Variants in MAGI2 observed in about 807,000 individuals in gnomAD.
MAGI2 encodes the protein membrane associated guanylate kinase, WW and PDZ domain containing 2, also known as membrane-associated guanylate kinase, WW and PDZ domain-containing protein 2.
A neutral mutation model predicts 133.3 loss-of-function variants in MAGI2; 35 were observed. The observed-to-expected ratio is 0.26, with a 90% CI of 0.20 to 0.35. MAGI2 has a LOEUF of 0.35. MAGI2 is among the 10% of genes least tolerant of loss of function. The pLI, the probability that MAGI2 is intolerant of heterozygous loss-of-function variation, is 1.00. For synonymous variants in MAGI2, 729 were observed against 710.6 expected, an observed-to-expected ratio of 1.03 and a Z score of -0.41; for missense variants, 1,636 against 1,863.4, an observed-to-expected ratio of 0.88 and a Z score of 2.25.
At chr7:78,386,524 A>G (rs1795402330) in intron 6 of MAGI2, among the ~76,000 whole-genome samples, 1 of 152,170 alleles carries the variant, frequency 6.6e-6, no homozygotes. Context: ...TACCCTTATA[A>G]AGCTGTCAGA....
At chr7:78,990,901 T>TACACACACAC (rs768501719) in intron 2 of MAGI2, among the ~76,000 whole-genome samples, 2 of 77,688 alleles carry the variant, frequency 2.6e-5, no homozygotes, top group African/African-American at 1.0e-4. Flanking sequence ...ATTTTATATG[T>TACACACACAC]ACATACACAC....
chr7:78,707,358 T>C (rs899402206), intron 2 of MAGI2, among the ~76,000 whole-genome samples: 3 of 152,138 alleles, frequency 2.0e-5, no homozygotes, highest in African/African-American at 7.2e-5. Flanking sequence ...CCTTAAAATA[T>C]GCCTGAAAGG....
intron 1 of MAGI2, among the ~76,000 whole-genome samples, chr7:79,115,864 T>G (rs1044501820): frequency 6.7e-6 from 1 of 149,062 alleles, no homozygotes; most frequent in Non-Finnish European, 1.5e-5. Flanking sequence ...GTTTTTTTTT[T>G]TTTTTTTTTT....
intron 2 of MAGI2, among the ~76,000 whole-genome samples, chr7:78,825,341 T>C (rs1164349383): frequency 6.6e-6 from 1 of 152,176 alleles, no homozygotes; most frequent in Non-Finnish European, 1.5e-5. Flanking sequence ...AGCTCCCAAA[T>C]TACAAAATGA....
At chr7:79,398,871 T>C (rs1461773505) in intron 1 of MAGI2, among the ~76,000 whole-genome samples, 1 of 152,120 alleles carries the variant, frequency 6.6e-6, no homozygotes. Context: ...AATACAGATG[T>C]AAGGAGATAA....
intron 3 of MAGI2, among the ~76,000 whole-genome samples, chr7:78,561,890 G>A (rs1187846929): frequency 6.6e-6 from 1 of 152,172 alleles, no homozygotes; most frequent in Non-Finnish European, 1.5e-5. Flanking sequence ...GAAAGCTATG[G>A]ATGGTGTAGG....
intron 4 of MAGI2, among the ~76,000 whole-genome samples, chr7:78,508,424 T>G (rs1795278502): frequency 6.6e-6 from 1 of 152,258 alleles, no homozygotes; most frequent in Non-Finnish European, 1.5e-5. Flanking sequence ...AAATAGAAAT[T>G]AACTTTGCTG....
At chr7:78,148,163 T>C (rs539725581) in intron 16 of MAGI2, among the ~76,000 whole-genome samples, 1 of 152,284 alleles carries the variant, frequency 6.6e-6, no homozygotes, top group Admixed American at 6.5e-5. Flanking sequence ...AGGGAATGGA[T>C]AAGCAAACTA....
chr7:79,154,159 G>T (rs946547387), intron 1 of MAGI2, among the ~76,000 whole-genome samples: 1 of 152,100 alleles, frequency 6.6e-6, no homozygotes, highest in African/African-American at 2.4e-5. Flanking sequence ...CTTTCAACAG[G>T]TGAAAGTTAG....
intron 3 of MAGI2, among the ~76,000 whole-genome samples, chr7:78,573,199 T>TATATATATATATATAAATATATATAA (rs1801754932): frequency 1.2e-5 from 1 of 86,218 alleles, no homozygotes; most frequent in Non-Finnish European, 2.1e-5. Flanking sequence ...TATATATATA[T>TATATATATATATATAAATATATATAA]ATATAAATAT....
chr7:79,353,322 G>C (rs1180557038), intron 1 of MAGI2: 1 of 390,264 alleles, frequency 2.6e-6, no homozygotes, highest in Non-Finnish European at 5.1e-6. Context: ...AATGAGAGGA[G>C]CTGACACTGT....
At chr7:78,869,438 A>G (rs1794847938) in intron 2 of MAGI2, among the ~76,000 whole-genome samples, 1 of 152,166 alleles carries the variant, frequency 6.6e-6, no homozygotes. Flanking sequence ...ATTCTTCTGC[A>G]TGATGCCTTG....
chr7:78,229,827 G>T (rs996260462), intron 10 of MAGI2, among the ~76,000 whole-genome samples: 2 of 152,158 alleles, frequency 1.3e-5, no homozygotes, highest in African/African-American at 4.8e-5. Context: ...CTGGATTCTG[G>T]CAGAAGTGGT....
chr7:78,043,908 C>T (rs180903763), intron 21 of MAGI2, among the ~76,000 whole-genome samples: 506 of 152,296 alleles, frequency 3.3e-3, no homozygotes, highest in Admixed American at 3.9e-3. Context: ...GCCAGACTTT[C>T]ACCTAAAGCA....
At chr7:79,015,653 C>A (rs1031862390) in intron 1 of MAGI2, among the ~76,000 whole-genome samples, 2 of 152,110 alleles carry the variant, frequency 1.3e-5, no homozygotes, top group East Asian at 1.9e-4. Context: ...ATTTCAAATG[C>A]GGAATGTGTC....
At chr7:79,369,560 G>A (rs1460299098) in intron 1 of MAGI2, among the ~76,000 whole-genome samples, 1 of 152,158 alleles carries the variant, frequency 6.6e-6, no homozygotes, top group Non-Finnish European at 1.5e-5. Flanking sequence ...ACAGTAGCAG[G>A]CATTGAAACT....
In MAGI2 at chr7:78,145,000, C is replaced by A. The variant is rs6943819; in HGVS notation, c.2846-9794G>T. 6.9e-3 allele frequency among the ~76,000 whole-genome samples: 1,053 copies of A among 152,166 alleles called. 8 individuals are homozygous for A. The highest frequency in any genetic ancestry group is 0.016 in the South Asian group (75 of 4,826). The stretch of plus-strand genomic sequence containing the variant: ...TGCGGTGTTTGGTTTTCTGTTCCTG[C>A]TGATTCACTCTTTCATTTTGTTGAA... On this transcript the variant is annotated intron_variant, in intron 16 of 21. Transcript: ENST00000354212.
At chr7:78,931,557 T>G (rs898479155) in intron 2 of MAGI2, among the ~76,000 whole-genome samples, 1 of 151,988 alleles carries the variant, frequency 6.6e-6, no homozygotes, top group African/African-American at 2.4e-5. Flanking sequence ...ATGATGAACA[T>G]GTAGAGTAAA....
At position 78,941,475 on chromosome 7, in the gene MAGI2, G is replaced by A. The variant is rs544663137; in HGVS notation, c.418+65615C>T. ...AGTGATTCTTGTGCCTCAGCCTCTC[G>A]AGTAGCTGGGATCACAGGCCTGACT... On this transcript the variant is annotated intron_variant, in intron 2 of 21. Transcript: ENST00000354212. Among the ~76,000 whole-genome samples the A allele has an allele frequency of 1.2e-4, 19 of 152,054 alleles. No homozygotes were observed. In the East Asian group the frequency reaches 2.7e-3, roughly 22 times the overall value.
Sources: allele counts gnomAD v4.1 joint callset (sites outside exome capture counted in the v4.1 genomes callset), GRCh38; gene constraint gnomAD v4.1.1; transcripts MANE v1.5; gene names NCBI Gene and HGNC (gene_info 2026-07-23, HGNC 2026-07-21).